MITD1: variants seen among roughly 807,000 people sequenced by gnomAD.
MITD1 encodes microtubule interacting and trafficking domain containing 1.
MITD1 carries 24 observed loss-of-function variants against 34.9 expected under a neutral mutation model. The ratio of observed to expected loss-of-function variants is 0.69; its 90% confidence interval spans 0.50 to 0.97. The LOEUF is 0.97. MITD1 is among the 50% of genes least tolerant of loss of function. MITD1 has a pLI of 0.00. For synonymous variants in MITD1, 102 were observed against 101.4 expected, an observed-to-expected ratio of 1.01 and a Z score of -0.04; for missense variants, 266 against 294.6, an observed-to-expected ratio of 0.90 and a Z score of 0.71.
rs766522720 is a variant in MITD1 at position 99,162,892 on chromosome 2, T to C, written c.*4-674A>G. ...AATGGAAGAATTGAAATTTGTAATA[T>C]TGAAGCACCTGATCATTGGTTGCCA... is the stretch of plus-strand genomic sequence containing the variant. On this transcript the variant is annotated intron_variant, in intron 7 of 7. Coordinates refer to the MITD1 transcript ENST00000422537. 23 of 1,613,002 alleles carry C rather than the reference T, an allele frequency of 1.4e-5. No homozygotes were observed. The Admixed American group carries it at 2.7e-4, about 19-fold the overall frequency.
chr2:99,168,507 A>C (rs1220891245), downstream of MITD1, among the ~76,000 whole-genome samples: 1 of 152,126 alleles, frequency 6.6e-6, no homozygotes, highest in South Asian at 2.1e-4. Flanking sequence ...GCCTGTCTCC[A>C]TGGAATCTAT....
intron 1 of MITD1, among the ~76,000 whole-genome samples, chr2:99,179,920 C>T (rs2093907210): frequency 6.6e-6 from 1 of 152,088 alleles, no homozygotes; most frequent in African/African-American, 2.4e-5. Context: ...CCCTCTGCTG[C>T]CCCAAAGCTT....
At chr2:99,166,184 T>C (rs1235164054), downstream of MITD1, among the ~76,000 whole-genome samples, 1 of 148,936 alleles carries the variant, frequency 6.7e-6, no homozygotes, top group East Asian at 1.9e-4. Flanking sequence ...GGAAAGAGTG[T>C]GAATTAAAAA....
In MITD1 at chr2:99,180,909, G is replaced by A; in HGVS notation, c.73C>T (p.Leu25=). Residue 25 remains leucine (L), a synonymous_variant, in exon 1 of 7, where the codon CTA becomes TTA. Coordinates refer to ENST00000289359, the MANE Select transcript of MITD1 (RefSeq NM_138798.3). The part of the protein sequence containing the change: ...AATVLKRAVE[L]DSESRYPQAL... ...TGCGGATACCGCGACTCCGAATCTA[G>A]TTCTACTGCCCGCTTTAGCACAGTG... The A allele has an allele frequency of 1.9e-6, 3 of 1,614,208 alleles. No homozygotes were observed. Among genetic ancestry groups the A allele is most frequent in the Non-Finnish European group, 2.5e-6 (3 of 1,180,030 alleles).
At chr2:99,163,684 C>T (rs1039950378) in intron 7 of MITD1, among the ~76,000 whole-genome samples, 1 of 152,110 alleles carries the variant, frequency 6.6e-6, no homozygotes, top group Non-Finnish European at 1.5e-5. Flanking sequence ...GCTGCTTTTA[C>T]TCTCTTGGGG....
chr2:99,167,335 C>A (rs968132315), downstream of MITD1, among the ~76,000 whole-genome samples: 6 of 152,102 alleles, frequency 3.9e-5, no homozygotes, highest in African/African-American at 1.2e-4. Flanking sequence ...TCTTTTATGT[C>A]CCTCCATAAA....
At position 99,180,891 on chromosome 2, in the gene MITD1, A is replaced by G. The variant is rs374827250; in HGVS notation, c.91T>C (p.Tyr31His). 4 of 1,614,122 alleles carry G rather than the reference A, an allele frequency of 2.5e-6. No individual in the cohort carries two copies. The highest frequency in any genetic ancestry group is 3.4e-6 in the Non-Finnish European group (4 of 1,180,052). ...RAVELDSESR[Y>H]PQALVCYQEG... ...TGGTAACACACCAGAGCCTGCGGAT[A>G]CCGCGACTCCGAATCTAGTTCTACT... The change falls in exon 1 of 7, where the codon TAT becomes CAT. Residue 31 changes from tyrosine (Y) to histidine (H), a missense_variant. Coordinates refer to ENST00000289359, the MANE Select transcript of MITD1 (RefSeq NM_138798.3).
chr2:99,177,362 A>G (rs1169846201), intron 1 of MITD1, among the ~76,000 whole-genome samples: 1 of 152,164 alleles, frequency 6.6e-6, no homozygotes, highest in Admixed American at 6.5e-5. Context: ...TAATACTGGT[A>G]TCATCTCCCT....
intron 4 of MITD1, 166 bp from the exon 5 acceptor site, chr2:99,170,818 G>A: frequency 4.9e-6 from 2 of 408,530 alleles, no homozygotes; most frequent in Non-Finnish European, 8.9e-6. Context: ...AGTTTAAAGA[G>A]CAATTATTTT....
Position 99,169,475 on chromosome 2 carries a change from G to GT in MITD1, c.655-6_655-5insA. 1 of 1,608,170 alleles carries GT rather than the reference G, an allele frequency of 6.2e-7. No homozygotes were observed. The highest frequency in any genetic ancestry group is 1.1e-5 in the South Asian group (1 of 90,158). On this transcript the variant is annotated splice_region_variant and splice_polypyrimidine_tract_variant and intron_variant, in intron 6 of 6. Coordinates refer to ENST00000289359, the MANE Select transcript of MITD1 (RefSeq NM_138798.3). Reference sequence around the variant, plus strand: ...ATATCCAAGGGAAAAACGACTCTAAGAAGAGAAGAAAAGAGTATCATTAAA... The same window carrying GT: ...ATATCCAAGGGAAAAACGACTCTAAGTAAGAGAAGAAAAGAGTATCATTAAA...
In MITD1 at chr2:99,173,810, A is replaced by G. The variant is rs576458298; in HGVS notation, c.253+105T>C. 8.3e-6 allele frequency: 6 copies of G among 722,712 alleles called. No homozygotes were observed. The South Asian group carries it at 9.6e-5, about 12-fold the overall frequency. The allele number at this position is 722,712 out of a possible 1,614,324, so 44.8% of individuals were successfully genotyped here. On this transcript the variant is annotated intron_variant, in intron 2 of 6. Transcript: ENST00000289359. ...TAAATCCTGTAAGCTCCCAGGGACA[A>G]CTGGTCCAGACCACACAGAGCTCCA...
At chr2:99,171,718 G>A in intron 2 of MITD1, 72 bp from the exon 3 acceptor site, 1 of 1,405,402 alleles carries the variant, frequency 7.1e-7, no homozygotes, top group East Asian at 2.3e-5. Context: ...TTTATATAGA[G>A]TGATTAATCA....
Position 99,169,703 on chromosome 2 carries a change from C to G in MITD1, c.594-93G>C. 7 of 1,003,382 alleles carry G rather than the reference C, an allele frequency of 7.0e-6. No individual in the cohort carries two copies. The South Asian group carries it at 1.0e-4, about 15-fold the overall frequency. The allele number at this position is 1,003,382 out of a possible 1,614,324, so 62.2% of individuals were successfully genotyped here. On this transcript the variant is annotated intron_variant, in intron 5 of 6. Transcript: ENST00000289359. ...TATTAAGTGTCAGCAAAATTTCCCC[C>G]TAACAAAGCAAACCACTTCCTCCAG...
intron 1 of MITD1, among the ~76,000 whole-genome samples, chr2:99,180,482 A>G (rs2093911614): frequency 6.6e-6 from 1 of 152,248 alleles, no homozygotes; most frequent in South Asian, 2.1e-4. Context: ...AATAATTTTA[A>G]TGCCCCCCAA....
chr2:99,163,320 T>C (rs2093811657), intron 7 of MITD1, among the ~76,000 whole-genome samples: 1 of 152,072 alleles, frequency 6.6e-6, no homozygotes, highest in South Asian at 2.1e-4. Context: ...TCATTTATTT[T>C]ATTTTATTTA....
intron 1 of MITD1, among the ~76,000 whole-genome samples, chr2:99,175,900 C>T (rs1368957743): frequency 6.6e-6 from 1 of 152,180 alleles, no homozygotes; most frequent in Admixed American, 6.5e-5. Flanking sequence ...GTCAAGCCCG[C>T]ATCGCTATTA....
chr2:99,178,712 G>C (rs1235421374), intron 1 of MITD1, among the ~76,000 whole-genome samples: 1 of 152,078 alleles, frequency 6.6e-6, no homozygotes, highest in Admixed American at 6.5e-5. Context: ...TGAGAAAAGA[G>C]CACATTCCTG....
At chr2:99,173,820 A>G in intron 2 of MITD1, 95 bp downstream of exon 2, 1 of 777,262 alleles carries the variant, frequency 1.3e-6, no homozygotes, top group Admixed American at 2.1e-5. Context: ...ACTGGTCCAG[A>G]CCACACAGAG....
downstream of MITD1, chr2:99,161,856 C>T: frequency 9.1e-7 from 1 of 1,103,082 alleles, no homozygotes; most frequent in South Asian, 1.7e-5. Context: ...GCACTGGATA[C>T]TTTAAGTTTG....
Sources: gnomAD v4.1 joint callset for allele counts (sites outside exome capture counted in the v4.1 genomes callset) on GRCh38, gnomAD v4.1.1 for gene constraint, MANE v1.5 for transcripts, NCBI Gene and HGNC (gene_info 2026-07-23, HGNC 2026-07-21) for gene names.